Variants in GALNT14 observed in about 807,000 individuals in gnomAD.
GALNT14 encodes UDP-GalNAc:polypeptide N-acetylgalactosaminyltransferase 14.
A neutral mutation model predicts 77.5 loss-of-function variants in GALNT14; 60 were observed. That is an observed-to-expected ratio of 0.77 (90% CI 0.63 to 0.96). The LOEUF is 0.96. Among genes scored for constraint, GALNT14 ranks in the 40% least tolerant of loss-of-function variants. GALNT14 has a pLI of 0.00. For missense variants in GALNT14, 710 were observed against 731.0 expected (o/e 0.97, Z 0.33); for synonymous variants, 280 against 281.7 (o/e 0.99, Z 0.06).
intron 1 of GALNT14, chr2:31,129,626 G>T: frequency 1.0e-6 from 1 of 985,372 alleles, no homozygotes; most frequent in Non-Finnish European, 1.2e-6. Context: ...TTTTTCAGTG[G>T]CCATCAAGGA....
intron 1 of GALNT14, among the ~76,000 whole-genome samples, chr2:31,003,783 G>T (rs1287016331): frequency 1.3e-5 from 2 of 152,162 alleles, no homozygotes; most frequent in Non-Finnish European, 2.9e-5. Context: ...CAGAAGCCCG[G>T]TTTTTGTTTC....
intron 1 of GALNT14, among the ~76,000 whole-genome samples, chr2:31,127,201 C>T (rs993625523): frequency 1.3e-5 from 2 of 152,298 alleles, no homozygotes; most frequent in East Asian, 3.9e-4. Context: ...TCAGTTACCC[C>T]AACCCAGGTA....
intron 1 of GALNT14, among the ~76,000 whole-genome samples, chr2:31,131,145 A>T (rs1678973599): frequency 6.6e-6 from 1 of 152,164 alleles, no homozygotes; most frequent in African/African-American, 2.4e-5. Context: ...GCCAGTGGCC[A>T]CACTGGCTGC....
At chr2:31,026,679 G>C (rs1035834863) in intron 1 of GALNT14, among the ~76,000 whole-genome samples, 4 of 152,202 alleles carry the variant, frequency 2.6e-5, no homozygotes, top group African/African-American at 9.6e-5. Flanking sequence ...CGGGGAGACT[G>C]TGGACCAGTC....
chr2:30,998,222 G>A lies in GALNT14; in HGVS notation c.130-5215C>T, dbSNP rs77674473. 7.9e-3 allele frequency among the ~76,000 whole-genome samples: 1,201 copies of A among 152,284 alleles called. 3 individuals carry two copies. The highest frequency in any genetic ancestry group is 0.013 in the African/African-American group (547 of 41,570). ...AAAACTAAAGCTCGATGGCACATCC[G>A]TTAAGTTGCTTAATTTCTCTCCTCC... On this transcript the variant is annotated intron_variant, in intron 1 of 14. Transcript: ENST00000349752.
At chr2:31,021,885 T>C (rs4952027) in intron 1 of GALNT14, among the ~76,000 whole-genome samples, 65,630 of 152,138 alleles carry the variant, frequency 0.43, 14,261 homozygotes, top group East Asian at 0.56. Flanking sequence ...GTGATGTGGA[T>C]AGGTCCTTTC....
chr2:30,967,772 T>C (rs541742025), intron 2 of GALNT14, among the ~76,000 whole-genome samples: 1 of 152,334 alleles, frequency 6.6e-6, no homozygotes, highest in South Asian at 2.1e-4. Flanking sequence ...AGTCATGTCC[T>C]GTCCACCACA....
chr2:30,913,869 C>T (rs1022848451), intron 13 of GALNT14, among the ~76,000 whole-genome samples: 1 of 152,120 alleles, frequency 6.6e-6, no homozygotes, highest in African/African-American at 2.4e-5. Context: ...TTATACTATT[C>T]GACTTCTGTA....
intron 6 of GALNT14, among the ~76,000 whole-genome samples, chr2:30,952,988 A>G (rs1667122122): frequency 6.6e-6 from 1 of 152,214 alleles, no homozygotes; most frequent in South Asian, 2.1e-4. Flanking sequence ...TCTCTTCTGT[A>G]TAAAATCCCC....
At chr2:31,001,742 A>T (rs1670379583) in intron 1 of GALNT14, among the ~76,000 whole-genome samples, 1 of 152,180 alleles carries the variant, frequency 6.6e-6, no homozygotes, top group Non-Finnish European at 1.5e-5. Flanking sequence ...CTCTGGATAC[A>T]GGAATACTAG....
chr2:30,968,084 C>G (rs1204156014), intron 2 of GALNT14, among the ~76,000 whole-genome samples: 3 of 152,222 alleles, frequency 2.0e-5, no homozygotes, highest in Non-Finnish European at 4.4e-5. Flanking sequence ...CTGTACATAA[C>G]TCTTTTCTCG....
chr2:31,018,387 A>G (rs1255614586), intron 1 of GALNT14, among the ~76,000 whole-genome samples: 1 of 152,224 alleles, frequency 6.6e-6, no homozygotes, highest in Admixed American at 6.6e-5. Context: ...GGGAGGTCTC[A>G]AGAAACTTAA....
At chr2:31,034,347 C>G (rs1672582897) in intron 1 of GALNT14, among the ~76,000 whole-genome samples, 1 of 152,080 alleles carries the variant, frequency 6.6e-6, no homozygotes, top group Non-Finnish European at 1.5e-5. Context: ...CCAAAATAAT[C>G]CTTTATAATA....
intron 2 of GALNT14, among the ~76,000 whole-genome samples, chr2:30,979,675 T>G (rs1456410288): frequency 6.6e-6 from 1 of 152,160 alleles, no homozygotes; most frequent in Non-Finnish European, 1.5e-5. Flanking sequence ...ACTAGGCCAG[T>G]GGGACCCTCA....
At chr2:31,111,094 C>T (rs1012042925) in intron 1 of GALNT14, among the ~76,000 whole-genome samples, 2 of 152,176 alleles carry the variant, frequency 1.3e-5, no homozygotes, top group African/African-American at 4.8e-5. Flanking sequence ...TCAAAGACAG[C>T]AGCTGGAATG....
intron 1 of GALNT14, among the ~76,000 whole-genome samples, chr2:31,120,278 T>C (rs1192328123): frequency 6.6e-6 from 1 of 152,182 alleles, no homozygotes; most frequent in Non-Finnish European, 1.5e-5. Context: ...CTCTCCTTTT[T>C]AATAACAACC....
chr2:30,894,110 G>C, the GALNT14 span, among the ~76,000 whole-genome samples: 9 of 151,954 alleles, frequency 5.9e-5, no homozygotes, highest in African/African-American at 1.9e-4. Flanking sequence ...AGCTCTGCCT[G>C]CCCCCTTACT....
the GALNT14 span, among the ~76,000 whole-genome samples, chr2:30,898,981 C>T: frequency 6.6e-6 from 1 of 152,238 alleles, no homozygotes; most frequent in African/African-American, 2.4e-5. Flanking sequence ...AGGGACAGGC[C>T]TGGGACATCT....
chr2:31,066,463 G>A (rs1454254389), intron 1 of GALNT14, among the ~76,000 whole-genome samples: 6 of 152,080 alleles, frequency 3.9e-5, no homozygotes, highest in African/African-American at 9.7e-5. Context: ...GGGTTTGCTC[G>A]TGAAAAAGAA....
Sources: allele counts gnomAD v4.1 joint callset (sites outside exome capture counted in the v4.1 genomes callset), GRCh38; gene constraint gnomAD v4.1.1; transcripts MANE v1.5; gene names NCBI Gene and HGNC (gene_info 2026-07-23, HGNC 2026-07-21).